PPP1R14C: variants seen among roughly 807,000 people sequenced by gnomAD.
The protein encoded by PPP1R14C is protein phosphatase 1 regulatory inhibitor subunit 14C.
Under a neutral mutation model 20.4 loss-of-function variants are expected in PPP1R14C, and 16 were observed. The ratio of observed to expected loss-of-function variants is 0.78; its 90% CI spans 0.53 to 1.19. The LOEUF (loss-of-function observed/expected upper bound fraction) is 1.19, where lower values mean the gene tolerates loss of function less well. Ranked by LOEUF, PPP1R14C falls within the 50% of genes most tolerant of loss-of-function variation. PPP1R14C has a pLI of 0.00. For synonymous variants in PPP1R14C, 91 were observed against 91.0 expected (o/e 1.00, Z 0.00); for missense variants, 211 against 220.1 (o/e 0.96, Z 0.26).
intron 1 of PPP1R14C, among the ~76,000 whole-genome samples, chr6:150,176,324 C>A (rs944430123): frequency 6.6e-6 from 1 of 152,206 alleles, no homozygotes; most frequent in East Asian, 1.9e-4. Flanking sequence ...TTCTAACAAT[C>A]GAGTTGGAGG....
intron 3 of PPP1R14C, among the ~76,000 whole-genome samples, chr6:150,226,970 GTTC>G (rs1778237655): frequency 6.6e-6 from 1 of 152,150 alleles, no homozygotes; most frequent in South Asian, 2.1e-4. Flanking sequence ...CTGCTCTGCT[GTTC>G]TTCTCATATT....
chr6:150,148,638 C>T (rs1430330462), intron 1 of PPP1R14C, among the ~76,000 whole-genome samples: 2 of 152,228 alleles, frequency 1.3e-5, no homozygotes, highest in Non-Finnish European at 2.9e-5. Flanking sequence ...AAGGTAGAAA[C>T]TGCTACTTAG....
At chr6:150,237,761 G>A (rs1047954269) in intron 3 of PPP1R14C, among the ~76,000 whole-genome samples, 2 of 152,202 alleles carry the variant, frequency 1.3e-5, no homozygotes, top group African/African-American at 2.4e-5. Flanking sequence ...TCATTTCTAA[G>A]TGGTGCAGAA....
chr6:150,210,851 G>A (rs561091444), intron 1 of PPP1R14C, among the ~76,000 whole-genome samples: 1 of 152,226 alleles, frequency 6.6e-6, no homozygotes, highest in Admixed American at 6.5e-5. Flanking sequence ...TCACTCTACT[G>A]TATAGCCCCT....
At chr6:150,182,162 C>G (rs1200878697) in intron 1 of PPP1R14C, among the ~76,000 whole-genome samples, 1 of 152,134 alleles carries the variant, frequency 6.6e-6, no homozygotes, top group Admixed American at 6.5e-5. Context: ...GTCAGCAGAA[C>G]AGCTTTAGTC....
rs543262592 is a variant in PPP1R14C at position 150,144,281 on chromosome 6, C to A, written c.306+783C>A. On this transcript the variant is annotated intron_variant, in intron 1 of 3. Transcript: ENST00000361131. Reference sequence around the variant, plus strand: ...TCTGTCAGCTTCAGGCTCCCAGCTCCCCTCTCCTCCACGACATCGTGACTT... The same window carrying A: ...TCTGTCAGCTTCAGGCTCCCAGCTCACCTCTCCTCCACGACATCGTGACTT... Among the ~76,000 whole-genome samples the A allele has an allele frequency of 2.6e-5, 4 of 152,302 alleles. No individual in the cohort carries two copies. In the East Asian group the frequency reaches 5.8e-4, roughly 22 times the overall value.
At chr6:150,155,000 G>A (rs1422403453) in intron 1 of PPP1R14C, among the ~76,000 whole-genome samples, 1 of 152,038 alleles carries the variant, frequency 6.6e-6, no homozygotes, top group Non-Finnish European at 1.5e-5. Flanking sequence ...GTGCTTTTCT[G>A]TTCTTATTAT....
chr6:150,197,366 A>AC (rs1777817761), intron 1 of PPP1R14C, among the ~76,000 whole-genome samples: 1 of 152,198 alleles, frequency 6.6e-6, no homozygotes, highest in African/African-American at 2.4e-5. Flanking sequence ...CCTCTTACCC[A>AC]CCGCAGTCAC....
At chr6:150,147,485 G>A (rs1277311400) in intron 1 of PPP1R14C, among the ~76,000 whole-genome samples, 1 of 152,080 alleles carries the variant, frequency 6.6e-6, no homozygotes, top group Admixed American at 6.6e-5. Flanking sequence ...GCCAACCCTG[G>A]TGGTTTTTAA....
At chr6:150,178,410 CAG>C (rs1299553831) in intron 1 of PPP1R14C, among the ~76,000 whole-genome samples, 4 of 152,166 alleles carry the variant, frequency 2.6e-5, no homozygotes, top group African/African-American at 9.7e-5. Flanking sequence ...TGGAGCATGT[CAG>C]GGGATGGTGG....
chr6:150,174,197 T>G (rs1777531817), intron 1 of PPP1R14C, among the ~76,000 whole-genome samples: 1 of 152,182 alleles, frequency 6.6e-6, no homozygotes, highest in Admixed American at 6.5e-5. Context: ...CTTACTAACT[T>G]ACCCATACTT....
chr6:150,226,638 C>G (rs571056741), intron 3 of PPP1R14C, among the ~76,000 whole-genome samples: 1 of 152,086 alleles, frequency 6.6e-6, no homozygotes, highest in Non-Finnish European at 1.5e-5. Context: ...AAAAAAATCT[C>G]TTTTTATAGC....
At chr6:150,170,205 T>C (rs1031778213) in intron 1 of PPP1R14C, among the ~76,000 whole-genome samples, 2 of 152,212 alleles carry the variant, frequency 1.3e-5, no homozygotes, top group Admixed American at 6.5e-5. Flanking sequence ...GGAAATATTG[T>C]TGAAGCCAGT....
intron 1 of PPP1R14C, among the ~76,000 whole-genome samples, chr6:150,187,766 T>C (rs1054785303): frequency 6.6e-6 from 1 of 152,250 alleles, no homozygotes; most frequent in Non-Finnish European, 1.5e-5. Context: ...ACATGTGCAC[T>C]GTCTTTATGA....
intron 1 of PPP1R14C, among the ~76,000 whole-genome samples, chr6:150,184,965 T>C (rs1211490720): frequency 6.6e-6 from 1 of 152,258 alleles, no homozygotes; most frequent in Non-Finnish European, 1.5e-5. Context: ...TGACTAATTC[T>C]CCCTTCACTC....
At chr6:150,217,790 G>T (rs913973663) in intron 3 of PPP1R14C, among the ~76,000 whole-genome samples, 2 of 152,132 alleles carry the variant, frequency 1.3e-5, no homozygotes, top group East Asian at 1.9e-4. Context: ...TTTGAAGTCT[G>T]TTTGTAACAT....
intron 3 of PPP1R14C, among the ~76,000 whole-genome samples, chr6:150,244,570 G>C (rs903931439): frequency 6.6e-6 from 1 of 152,236 alleles, no homozygotes; most frequent in Non-Finnish European, 1.5e-5. Flanking sequence ...AATAGAAAGA[G>C]TCCCTATCGG....
At chr6:150,210,194 A>T (rs1461699029) in intron 1 of PPP1R14C, among the ~76,000 whole-genome samples, 1 of 152,022 alleles carries the variant, frequency 6.6e-6, no homozygotes, top group Non-Finnish European at 1.5e-5. Flanking sequence ...GCTGCTTGCA[A>T]GTTGGGGCAA....
chr6:150,222,194 C>G (rs1004289174), intron 3 of PPP1R14C, among the ~76,000 whole-genome samples: 7 of 126,588 alleles, frequency 5.5e-5, no homozygotes, highest in Non-Finnish European at 1.1e-4. Flanking sequence ...CTAGTCACAT[C>G]TCATGTATTA....
Sources: allele counts gnomAD v4.1 joint callset (sites outside exome capture counted in the v4.1 genomes callset), GRCh38; gene constraint gnomAD v4.1.1; transcripts MANE v1.5; gene names NCBI Gene and HGNC (gene_info 2026-07-23, HGNC 2026-07-21).